The following PLD5 variants were observed in gnomAD, a reference collection of about 807,000 sequenced individuals.
PLD5 encodes the protein phospholipase D family member 5, also known as inactive phospholipase D5.
Under a neutral mutation model 61.1 loss-of-function variants are expected in PLD5, and 36 were observed. The ratio of observed to expected loss-of-function variants is 0.59; its 90% confidence interval spans 0.45 to 0.78. The LOEUF (loss-of-function observed/expected upper bound fraction) is 0.78, where lower values mean the gene tolerates loss of function less well. Ranked by LOEUF, PLD5 falls within the 30% of genes least tolerant of loss-of-function variation. PLD5 has a pLI of 0.00. For missense variants in PLD5, 515 were observed against 644.4 expected (o/e 0.80, Z 2.17); for synonymous variants, 243 against 242.8 (o/e 1.00, Z -0.01).
chr1:242,316,768 C>T (rs892373038), intron 2 of PLD5, among the ~76,000 whole-genome samples: 1 of 152,006 alleles, frequency 6.6e-6, no homozygotes, highest in African/African-American at 2.4e-5. Flanking sequence ...CTCCTCCCAC[C>T]CTCCACTCTC....
intron 1 of PLD5, among the ~76,000 whole-genome samples, chr1:242,471,266 C>T (rs916200299): frequency 1.5e-5 from 2 of 136,176 alleles, no homozygotes; most frequent in East Asian, 3.9e-4. Flanking sequence ...CTGTTGCAGA[C>T]TGCAAGAAAT....
At chr1:242,379,508 G>A (rs1389771165) in intron 1 of PLD5, among the ~76,000 whole-genome samples, 1 of 152,080 alleles carries the variant, frequency 6.6e-6, no homozygotes, top group Non-Finnish European at 1.5e-5. Flanking sequence ...CATAAAATGT[G>A]CAAATCTTCA....
chr1:242,116,296 T>C (rs1256645374), intron 6 of PLD5, among the ~76,000 whole-genome samples: 2 of 152,084 alleles, frequency 1.3e-5, no homozygotes, highest in Admixed American at 6.5e-5. Flanking sequence ...AGAAGGGGCA[T>C]AGGGGCATAG....
At chr1:242,314,881 G>C (rs1305907626) in intron 2 of PLD5, among the ~76,000 whole-genome samples, 4 of 151,876 alleles carry the variant, frequency 2.6e-5, no homozygotes, top group Non-Finnish European at 5.9e-5. Flanking sequence ...CCAACTGATA[G>C]AAAGCTGCAT....
At chr1:242,273,193 T>C (rs1051438673) in intron 3 of PLD5, among the ~76,000 whole-genome samples, 8 of 151,866 alleles carry the variant, frequency 5.3e-5, no homozygotes, top group Admixed American at 2.0e-4. Flanking sequence ...TTTCTGTTCC[T>C]GTGTTAGTTT....
chr1:242,413,198 C>A (rs76924072), intron 1 of PLD5, among the ~76,000 whole-genome samples: 5,681 of 152,192 alleles, frequency 0.037, 379 homozygotes, highest in African/African-American at 0.13. Context: ...TCTGACCAGC[C>A]TTTTCCTCTC....
chr1:242,345,186 A>G (rs1309034152), intron 2 of PLD5, among the ~76,000 whole-genome samples: 1 of 152,122 alleles, frequency 6.6e-6, no homozygotes, highest in Non-Finnish European at 1.5e-5. Context: ...AATTGCCACA[A>G]TCGTCTCATG....
chr1:242,348,824 G>A (rs1286496506), intron 1 of PLD5, among the ~76,000 whole-genome samples: 3 of 152,144 alleles, frequency 2.0e-5, no homozygotes, highest in East Asian at 1.9e-4. Flanking sequence ...GGAGGCCAAG[G>A]CGGGCAGATC....
chr1:242,187,453 T>A (rs1667978935), intron 5 of PLD5, among the ~76,000 whole-genome samples: 1 of 152,232 alleles, frequency 6.6e-6, no homozygotes, highest in African/African-American at 2.4e-5. Flanking sequence ...TCATTTTTGT[T>A]GTGTGCACTT....
intron 1 of PLD5, among the ~76,000 whole-genome samples, chr1:242,504,436 G>T (rs1668657203): frequency 6.6e-6 from 1 of 152,026 alleles, no homozygotes; most frequent in East Asian, 1.9e-4. Flanking sequence ...CAATCCATAG[G>T]GCCCACTTAG....
intron 5 of PLD5, among the ~76,000 whole-genome samples, chr1:242,183,927 A>T (rs2148909046): frequency 6.6e-6 from 1 of 152,034 alleles, no homozygotes; most frequent in Non-Finnish European, 1.5e-5. Context: ...TAAATAAAAG[A>T]AACACCTAAG....
intron 1 of PLD5, among the ~76,000 whole-genome samples, chr1:242,363,165 T>G (rs12738731): frequency 6.6e-6 from 1 of 152,038 alleles, no homozygotes; most frequent in Non-Finnish European, 1.5e-5. Context: ...CACACCTGCC[T>G]GGAAGGAGCA....
At chr1:242,124,394 C>A in intron 6 of PLD5, 74 bp downstream of exon 6, 1 of 1,460,874 alleles carries the variant, frequency 6.8e-7, no homozygotes, top group Admixed American at 1.9e-5. Flanking sequence ...CAAGATCACA[C>A]TTAAACATTC....
intron 5 of PLD5, among the ~76,000 whole-genome samples, chr1:242,157,964 G>A (rs1176352149): frequency 1.3e-5 from 2 of 152,240 alleles, no homozygotes; most frequent in East Asian, 1.9e-4. Flanking sequence ...TTATCTATAA[G>A]TTCCTGACTG....
chr1:242,205,928 C>T (rs1669288612), intron 5 of PLD5, among the ~76,000 whole-genome samples: 1 of 152,186 alleles, frequency 6.6e-6, no homozygotes, highest in Admixed American at 6.5e-5. Context: ...CACTAGCACC[C>T]TTTCTCCTTG....
chr1:242,346,898 C>T (rs1660169577), intron 2 of PLD5, among the ~76,000 whole-genome samples: 1 of 152,210 alleles, frequency 6.6e-6, no homozygotes, highest in Non-Finnish European at 1.5e-5. Flanking sequence ...TAAGTCAGAA[C>T]ATGCAGTATT....
At chr1:242,289,848 C>G (rs1675256066) in intron 2 of PLD5, among the ~76,000 whole-genome samples, 1 of 151,960 alleles carries the variant, frequency 6.6e-6, no homozygotes, top group Non-Finnish European at 1.5e-5. Context: ...GTTACTCTTA[C>G]TGAGACATGT....
At chr1:242,132,201 G>GGGA (rs1553305619) in intron 5 of PLD5, among the ~76,000 whole-genome samples, 1 of 85,884 alleles carries the variant, frequency 1.2e-5, no homozygotes, top group Non-Finnish European at 2.5e-5. Flanking sequence ...GCGGGGGGGG[G>GGGA]GGGGGGCGGA....
At chr1:242,399,560 T>A (rs1211638357) in intron 1 of PLD5, among the ~76,000 whole-genome samples, 1 of 152,184 alleles carries the variant, frequency 6.6e-6, no homozygotes, top group Admixed American at 6.5e-5. Flanking sequence ...CACATTTTGA[T>A]CCTTATAAAA....
Sources: gnomAD v4.1 joint callset for allele counts (sites outside exome capture counted in the v4.1 genomes callset) on GRCh38, gnomAD v4.1.1 for gene constraint, MANE v1.5 for transcripts, NCBI Gene and HGNC (gene_info 2026-07-23, HGNC 2026-07-21) for gene names.